RELN: variants seen among roughly 807,000 people sequenced by gnomAD.
RELN encodes the protein reelin.
RELN carries 108 observed loss-of-function variants against 427.6 expected under a neutral mutation model. The ratio of observed to expected loss-of-function variants is 0.25; its 90% CI spans 0.22 to 0.30. The LOEUF is 0.30. RELN is among the 10% of genes least tolerant of loss of function. The pLI is 1.00. For missense variants in RELN, 3,715 were observed against 4,302.8 expected, an observed-to-expected ratio of 0.86 and a Z score of 3.82; for synonymous variants, 1,524 against 1,513.4, an observed-to-expected ratio of 1.01 and a Z score of -0.16.
At chr7:103,854,562 T>C (rs1004077488) in intron 2 of RELN, among the ~76,000 whole-genome samples, 1 of 152,188 alleles carries the variant, frequency 6.6e-6, no homozygotes, top group African/African-American at 2.4e-5. Context: ...AATTAAGGGA[T>C]TAAGAGACTT....
chr7:103,896,118 C>A (rs1220403067), intron 2 of RELN, among the ~76,000 whole-genome samples: 1 of 152,028 alleles, frequency 6.6e-6, no homozygotes, highest in Non-Finnish European at 1.5e-5. Flanking sequence ...CAAATTAAAA[C>A]TACAGTGAGA....
chr7:103,899,619 G>C (rs1047413015), intron 2 of RELN, among the ~76,000 whole-genome samples: 5 of 152,108 alleles, frequency 3.3e-5, no homozygotes, highest in Non-Finnish European at 7.4e-5. Flanking sequence ...TCATCCCTGG[G>C]ATGCAAGGCT....
At chr7:103,907,679 C>T (rs1473545711) in intron 2 of RELN, among the ~76,000 whole-genome samples, 1 of 151,510 alleles carries the variant, frequency 6.6e-6, no homozygotes, top group African/African-American at 2.4e-5. Context: ...TTAAAGGCTA[C>T]AGCCTTTAAA....
intron 4 of RELN, among the ~76,000 whole-genome samples, chr7:103,769,717 T>G (rs1002783563): frequency 1.3e-5 from 2 of 152,206 alleles, no homozygotes; most frequent in Non-Finnish European, 2.9e-5. Flanking sequence ...CTTGGTGTCC[T>G]CCTATTGAAC....
intron 3 of RELN, among the ~76,000 whole-genome samples, chr7:103,800,497 T>C (rs1302039455): frequency 6.6e-6 from 1 of 152,196 alleles, no homozygotes; most frequent in African/African-American, 2.4e-5. Context: ...CCCTATTTAA[T>C]AAATGGTGCT....
chr7:103,967,343 C>G (rs939471248), intron 1 of RELN, among the ~76,000 whole-genome samples: 1 of 152,076 alleles, frequency 6.6e-6, no homozygotes, highest in Non-Finnish European at 1.5e-5. Flanking sequence ...AAAACACTTT[C>G]AATATCAAGG....
At chr7:103,889,092 C>T (rs1424998322) in intron 2 of RELN, among the ~76,000 whole-genome samples, 1 of 152,164 alleles carries the variant, frequency 6.6e-6, no homozygotes, top group African/African-American at 2.4e-5. Flanking sequence ...CCAAAACAGC[C>T]AATTATAGAA....
chr7:103,723,308 A>G, intron 7 of RELN, 117 bp from the exon 8 acceptor site: 1 of 691,580 alleles, frequency 1.4e-6, no homozygotes, highest in South Asian at 1.6e-5. Context: ...GAAATCCATT[A>G]ACAGAAGTTG....
chr7:103,789,372 G>A (rs927104559), intron 3 of RELN, among the ~76,000 whole-genome samples: 4 of 152,126 alleles, frequency 2.6e-5, no homozygotes, highest in Non-Finnish European at 4.4e-5. Flanking sequence ...CTTCTGTAGA[G>A]CAAAAGAAAC....
intron 3 of RELN, among the ~76,000 whole-genome samples, chr7:103,826,319 A>AGTGTGTGTGTGTGTGTGTGTGTGTGTGT (rs768090469): frequency 1.1e-4 from 15 of 137,492 alleles, no homozygotes; most frequent in South Asian, 2.4e-4. Context: ...AGACTAAGAC[A>AGTGTGTGTGTGTGTGTGTGTGTGTGTGT]ATGTGTGTGT....
In RELN at chr7:103,620,765, C is replaced by T. The variant is rs183612985; in HGVS notation, c.2703-8962G>A. Among the ~76,000 whole-genome samples, 28 of 152,274 alleles carry T rather than the reference C, an allele frequency of 1.8e-4. No homozygotes were observed. Among genetic ancestry groups the T allele is most frequent in the Admixed American group, 5.2e-4 (8 of 15,296 alleles). On this transcript the variant is annotated intron_variant, in intron 20 of 64. Transcript: ENST00000428762. The surrounding 1 kb of genome is among the most constrained non-coding windows in gnomAD (Gnocchi z 4.1). ...CTGGGATTACAGGTGTGAGCCACCG[C>T]GCCTGGCCTAACCTGATCCACATTT...
chr7:103,948,353 T>G (rs1014004766), intron 1 of RELN, among the ~76,000 whole-genome samples: 37 of 152,274 alleles, frequency 2.4e-4, no homozygotes, highest in African/African-American at 8.9e-4. Flanking sequence ...TTTAATTTCC[T>G]TCATCCTATC....
At chr7:103,931,642 T>A (rs1795868182) in intron 1 of RELN, among the ~76,000 whole-genome samples, 1 of 152,248 alleles carries the variant, frequency 6.6e-6, no homozygotes, top group Non-Finnish European at 1.5e-5. Flanking sequence ...CTTATGACTC[T>A]TCTATCTTGC....
intron 3 of RELN, among the ~76,000 whole-genome samples, chr7:103,810,586 C>T (rs1792716024): frequency 6.6e-6 from 1 of 152,138 alleles, no homozygotes; most frequent in Admixed American, 6.5e-5. Flanking sequence ...CAAGGCGCGC[C>T]AACCTGGCAA....
chr7:103,838,188 G>A lies in RELN; in HGVS notation c.338-4516C>T, dbSNP rs797010781. On this transcript the variant is annotated intron_variant, in intron 2 of 64. Coordinates refer to ENST00000428762, the MANE Select transcript of RELN (RefSeq NM_005045.4). ...CACGCCACTGCACTCCAGCCTGGGCGACAGAGCGAGACTTCGTCTCAAAAA... is the reference window on the plus strand; with the variant it reads ...CACGCCACTGCACTCCAGCCTGGGCAACAGAGCGAGACTTCGTCTCAAAAA... 8.4e-3 allele frequency among the ~76,000 whole-genome samples: 1,064 copies of A among 127,030 alleles called. 11 individuals carry two copies. The highest frequency in any genetic ancestry group is 0.03 in the African/African-American group (984 of 32,804). 83.3% of individuals were successfully genotyped at this position (127,030 alleles called of 152,430 possible).
chr7:103,916,074 A>C (rs1795475457), intron 2 of RELN, among the ~76,000 whole-genome samples: 1 of 152,122 alleles, frequency 6.6e-6, no homozygotes, highest in South Asian at 2.1e-4. Flanking sequence ...ATGATGACTG[A>C]ATGACTTCGA....
In RELN at chr7:103,758,106, T is replaced by C. The variant is rs191625051; in HGVS notation, c.545-4892A>G. On this transcript the variant is annotated intron_variant, in intron 4 of 64. Coordinates refer to ENST00000428762, the MANE Select transcript of RELN (RefSeq NM_005045.4). ...GTTAGAAAGTGCATGTGAATGTATT[T>C]GTGTTTCGATGAACTTTAAATCTCA... Among the ~76,000 whole-genome samples, 233 of 152,318 alleles carry C rather than the reference T, an allele frequency of 1.5e-3. 1 individual carries two copies. The highest frequency in any genetic ancestry group is 5.4e-3 in the African/African-American group (224 of 41,578).
intron 2 of RELN, among the ~76,000 whole-genome samples, chr7:103,888,667 C>A (rs554056061): frequency 6.6e-6 from 1 of 152,164 alleles, no homozygotes; most frequent in African/African-American, 2.4e-5. Flanking sequence ...TATAAAGATA[C>A]CCCCATCTCC....
chr7:103,929,517 C>T (rs1485727088), intron 1 of RELN, among the ~76,000 whole-genome samples: 2 of 152,154 alleles, frequency 1.3e-5, no homozygotes, highest in Admixed American at 6.5e-5. Context: ...ACATGTTCAT[C>T]AACTGATCAT....
Sources: gnomAD v4.1 joint callset for allele counts (sites outside exome capture counted in the v4.1 genomes callset) on GRCh38, gnomAD v4.1.1 for gene constraint, Gnocchi (gnomAD v3.1) non-coding constraint, MANE v1.5 for transcripts, NCBI Gene and HGNC (gene_info 2026-07-23, HGNC 2026-07-21) for gene names.